SASH1: variants seen among roughly 807,000 people sequenced by gnomAD.
The protein encoded by SASH1 is SAM and SH3 domain containing 1, also known as SAM and SH3 domain-containing protein 1.
SASH1 carries 44 observed loss-of-function variants against 125.2 expected under a neutral mutation model. The observed-to-expected ratio is 0.35, with a 90% CI of 0.28 to 0.45. The LOEUF is 0.45. Ranked by LOEUF, SASH1 falls within the 20% of genes least tolerant of loss-of-function variation. The probability of loss-of-function intolerance (pLI) is 1.00; values close to 1 mark genes in which losing one functional copy is unlikely to be tolerated. For missense variants in SASH1, 1,426 were observed against 1,614.5 expected, an observed-to-expected ratio of 0.88 and a Z score of 2.00; for synonymous variants, 639 against 649.1, an observed-to-expected ratio of 0.98 and a Z score of 0.24.
At chr6:148,435,193 T>C (rs1260019826) in intron 2 of SASH1, among the ~76,000 whole-genome samples, 1 of 151,830 alleles carries the variant, frequency 6.6e-6, no homozygotes, top group East Asian at 1.9e-4. Flanking sequence ...GCCTGGCCAA[T>C]ATGGTGAAAC....
At chr6:148,328,453 C>T (rs1333437280) in intron 1 of SASH1, among the ~76,000 whole-genome samples, 3 of 151,920 alleles carry the variant, frequency 2.0e-5, no homozygotes, top group Non-Finnish European at 2.9e-5. Flanking sequence ...ATTAGCCAGG[C>T]GCAGTGGTGG....
intron 4 of SASH1, among the ~76,000 whole-genome samples, chr6:148,454,168 C>T (rs1777231204): frequency 6.6e-6 from 1 of 152,038 alleles, no homozygotes; most frequent in South Asian, 2.1e-4. Flanking sequence ...TTGTTGACGT[C>T]CTTCCTCAGG....
intron 2 of SASH1, among the ~76,000 whole-genome samples, chr6:148,415,501 GT>G (rs1184366230): frequency 1.3e-5 from 2 of 152,024 alleles, no homozygotes; most frequent in Admixed American, 6.5e-5. Flanking sequence ...TTGTAGGACC[GT>G]TTTCTTTAAA....
Position 148,543,944 on chromosome 6 carries a change from T to C in SASH1, c.2474T>C (p.Leu825Pro). 3.1e-6 allele frequency: 5 copies of C among 1,614,140 alleles called. No individual in the cohort carries two copies. Among genetic ancestry groups the C allele is most frequent in the South Asian group, 1.1e-5 (1 of 91,076 alleles). ...PVSICRSCET[L>P]EGPQTVDTWP... ...TCCATCTGCCGGAGCTGTGAGACCCTGGAGGGCCCCCAGACTGTGGACACT... is the reference window on the plus strand; with the variant it reads ...TCCATCTGCCGGAGCTGTGAGACCCCGGAGGGCCCCCAGACTGTGGACACT... The change falls in exon 18 of 20, where the codon CTG (leucine) becomes CCG (proline). Residue 825 changes from leucine to proline, a missense_variant. Leu to Pro is a moderately conservative substitution (Grantham distance 98). Coordinates refer to ENST00000367467, the MANE Select transcript of SASH1 (RefSeq NM_015278.5).
intron 12 of SASH1, among the ~76,000 whole-genome samples, chr6:148,531,293 T>TATC (rs1489548243): frequency 6.6e-6 from 1 of 152,152 alleles, no homozygotes; most frequent in African/African-American, 2.4e-5. Context: ...ATTCCAAGAA[T>TATC]ATCTATTCGA....
chr6:148,331,594 G>A (rs1470460441), intron 1 of SASH1, among the ~76,000 whole-genome samples: 2 of 152,276 alleles, frequency 1.3e-5, no homozygotes, highest in East Asian at 3.9e-4. Context: ...CTCCCAAAGT[G>A]CTAGGATTAC....
At position 148,324,683 on chromosome 6, in the gene SASH1, T is replaced by G. The variant is rs192219100; in HGVS notation, n.74+52306T>G. Among the ~76,000 whole-genome samples the G allele has an allele frequency of 1.6e-4, 24 of 152,318 alleles. No individual in the cohort carries two copies. The East Asian group carries it at 4.4e-3, about 28-fold the overall frequency. ...AAGATACATAGATGGCTTGAATTTTTGGGAAGAATAAAGAAATAGACTCTG... is the reference window on the plus strand; with the variant it reads ...AAGATACATAGATGGCTTGAATTTTGGGGAAGAATAAAGAAATAGACTCTG... On this transcript the variant is annotated intron_variant and non_coding_transcript_variant, in intron 1 of 3. Coordinates refer to the SASH1 transcript ENST00000367469.
chr6:148,538,491 T>C (rs1782010281), intron 16 of SASH1, among the ~76,000 whole-genome samples: 1 of 152,246 alleles, frequency 6.6e-6, no homozygotes, highest in African/African-American at 2.4e-5. Context: ...CGCTCTAGAA[T>C]GTTCCACTTT....
rs779841528 is a variant in SASH1 at position 148,544,378 on chromosome 6, G to T, written c.2908G>T (p.Val970Leu). ...CCATCCCCTGGGCACCAAAGAAGGG[G>T]TAGATGCTGAGCAGAGAATGCAGCC... ...THHPLGTKEG[V>L]DAEQRMQPKI... Residue 970 changes from valine to leucine, a missense_variant, in exon 18 of 20, where the codon GTA (valine) becomes TTA (leucine). Transcript: ENST00000367467. The surrounding 1 kb of genome is among the most constrained non-coding windows in gnomAD (Gnocchi z 6.4). 10 of 1,614,052 alleles carry T rather than the reference G, an allele frequency of 6.2e-6. No homozygotes were observed. Among genetic ancestry groups the T allele is most frequent in the African/African-American group, 1.3e-5 (1 of 74,914 alleles).
chr6:148,345,099 T>TAAGAC (rs1781480914), intron 1 of SASH1, among the ~76,000 whole-genome samples: 1 of 152,238 alleles, frequency 6.6e-6, no homozygotes, highest in Non-Finnish European at 1.5e-5. Flanking sequence ...GATCCAGTTC[T>TAAGAC]AAGTTTTCAG....
intron 1 of SASH1, among the ~76,000 whole-genome samples, chr6:148,385,240 G>T (rs1783313030): frequency 6.6e-6 from 1 of 152,098 alleles, no homozygotes; most frequent in Admixed American, 6.6e-5. Flanking sequence ...GCTTTCTTTG[G>T]CCTGAGTTGA....
At chr6:148,337,223 ATTT>A (rs10659889) in intron 1 of SASH1, among the ~76,000 whole-genome samples, 3 of 124,562 alleles carry the variant, frequency 2.4e-5, no homozygotes, top group African/African-American at 6.1e-5. Context: ...CATCCAGCTA[ATTT>A]TTTTTTTTTT....
chr6:148,208,204 A>T, the SASH1 span, among the ~76,000 whole-genome samples: 2 of 152,172 alleles, frequency 1.3e-5, no homozygotes, highest in African/African-American at 2.4e-5. Flanking sequence ...CCAATCATGG[A>T]ATTTCTCTTC....
intron 4 of SASH1, among the ~76,000 whole-genome samples, chr6:148,441,181 C>T (rs762771370): frequency 5.3e-5 from 8 of 152,206 alleles, no homozygotes; most frequent in Non-Finnish European, 1.2e-4. Flanking sequence ...GCCACTTGTA[C>T]GTTCATGCCA....
the SASH1 span, among the ~76,000 whole-genome samples, chr6:148,221,630 T>C: frequency 6.6e-6 from 1 of 152,226 alleles, no homozygotes; most frequent in Non-Finnish European, 1.5e-5. Flanking sequence ...TGCCTGTAAC[T>C]TCCAAGGCTG....
At chr6:148,381,912 C>T (rs1165265485) in intron 1 of SASH1, among the ~76,000 whole-genome samples, 2 of 152,060 alleles carry the variant, frequency 1.3e-5, no homozygotes, top group South Asian at 4.1e-4. Context: ...GCTGGAATTA[C>T]AGGTGTGAGC....
chr6:148,414,576 A>G (rs1178194851), intron 2 of SASH1, among the ~76,000 whole-genome samples: 1 of 152,250 alleles, frequency 6.6e-6, no homozygotes, highest in Non-Finnish European at 1.5e-5. Flanking sequence ...TTGAATGCCT[A>G]CAACGTGCCA....
At chr6:148,196,390 A>G in the SASH1 span, among the ~76,000 whole-genome samples, 1 of 152,206 alleles carries the variant, frequency 6.6e-6, no homozygotes, top group Non-Finnish European at 1.5e-5. Flanking sequence ...TCAACCTAGC[A>G]CAGCTTCAAC....
At chr6:148,407,777 C>T (rs528538121) in intron 2 of SASH1, among the ~76,000 whole-genome samples, 7 of 152,140 alleles carry the variant, frequency 4.6e-5, no homozygotes, top group Non-Finnish European at 7.4e-5. Flanking sequence ...GGACTACAGG[C>T]GCGCACCACC....
Sources: gnomAD v4.1 joint callset for allele counts (sites outside exome capture counted in the v4.1 genomes callset) on GRCh38, gnomAD v4.1.1 for gene constraint, Gnocchi (gnomAD v3.1) non-coding constraint, MANE v1.5 for transcripts, NCBI Gene and HGNC (gene_info 2026-07-23, HGNC 2026-07-21) for gene names.